TCF7: variants seen among roughly 807,000 people sequenced by gnomAD.
The protein encoded by TCF7 is transcription factor 7.
Under a neutral mutation model 46.8 loss-of-function variants are expected in TCF7, and 19 were observed. That is an observed-to-expected ratio of 0.41 (90% CI 0.28 to 0.60). The LOEUF (loss-of-function observed/expected upper bound fraction) is 0.60. Among genes scored for constraint, TCF7 ranks in the 20% least tolerant of loss-of-function variants. The pLI is 0.35. For synonymous variants in TCF7, 245 were observed against 213.4 expected (o/e 1.15, Z -1.29); for missense variants, 547 against 504.6 (o/e 1.08, Z -0.81).
intron 5 of TCF7, 136 bp from the exon 6 acceptor site, chr5:134,142,049 T>C (rs969048267): frequency 6.5e-6 from 8 of 1,236,242 alleles, no homozygotes; most frequent in African/African-American, 6.0e-5. Flanking sequence ...TGTGTACTTA[T>C]GTCTAGGCCA....
intron 3 of TCF7, among the ~76,000 whole-genome samples, chr5:134,120,787 A>C (rs1191540981): frequency 6.6e-6 from 1 of 152,114 alleles, no homozygotes; most frequent in African/African-American, 2.4e-5. Flanking sequence ...TTTACAATGC[A>C]CTCACCATGC....
chr5:134,139,381 A>G (rs555450647), intron 5 of TCF7: 1 of 256,452 alleles, frequency 3.9e-6, no homozygotes, highest in South Asian at 9.9e-5. Flanking sequence ...TAACTGAGGA[A>G]GAAAGGTGGG....
chr5:134,125,639 G>C (rs1469087695), intron 3 of TCF7, among the ~76,000 whole-genome samples: 1 of 152,256 alleles, frequency 6.6e-6, no homozygotes, highest in Non-Finnish European at 1.5e-5. Flanking sequence ...ATGCTGGTAG[G>C]AACCTTATTG....
At chr5:134,145,017 G>C (rs912354863) in intron 9 of TCF7, 2 of 712,558 alleles carry the variant, frequency 2.8e-6, no homozygotes, top group Non-Finnish European at 2.5e-6. Flanking sequence ...CCTGAGAATA[G>C]TAGTAAATAC....
rs148336332 is a variant in TCF7, at chr5:134,142,297, C to A, written c.748C>A (p.Arg250Ser). 1.3e-5 allele frequency: 21 copies of A among 1,585,492 alleles called. No homozygotes were observed. In the East Asian group the frequency reaches 2.9e-4, roughly 22 times the overall value. The change falls in exon 6 of 10, where the codon CGC becomes AGC. Residue 250 changes from arginine (R) to serine (S), a missense_variant. Physicochemically the swap from Arg to Ser is moderately radical, Grantham distance 110. Around this residue, in one of 3 missense-constraint regions of TCF7, gnomAD observed 425 missense variants for 349.9 expected, o/e 1.21. Transcript: ENST00000342854. ...SGKQELQPFD[R>S]NLKTQAESKA... ...GAAGCAGGAGCTGCAGCCCTTCGACCGCAACCTGTGAGTGAAAAGACAATG... is the reference window on the plus strand; with the variant it reads ...GAAGCAGGAGCTGCAGCCCTTCGACAGCAACCTGTGAGTGAAAAGACAATG...
At chr5:134,141,974 A>G in intron 5 of TCF7, 2 of 533,652 alleles carry the variant, frequency 3.7e-6, no homozygotes, top group African/African-American at 1.9e-5. Context: ...TCTGAATGGC[A>G]ATCTATGTAG....
chr5:134,126,361 T>C (rs1757344375), intron 3 of TCF7, among the ~76,000 whole-genome samples: 1 of 152,134 alleles, frequency 6.6e-6, no homozygotes, highest in South Asian at 2.1e-4. Flanking sequence ...ACAGGGTCGA[T>C]GGCCATGTTG....
At chr5:134,114,206 C>T (rs977048150), upstream of TCF7, among the ~76,000 whole-genome samples, 2 of 152,152 alleles carry the variant, frequency 1.3e-5, no homozygotes, top group Non-Finnish European at 2.9e-5. Context: ...GGGCAAGAGC[C>T]GCAACAGCGC....
In TCF7 at chr5:134,143,110, T is replaced by TA. The variant is rs747602624; in HGVS notation, c.1026+11dup. On this transcript the variant is annotated intron_variant, in intron 8 of 9. Coordinates refer to ENST00000342854, the MANE Select transcript of TCF7 (RefSeq NM_003202.5). Reference sequence around the variant, plus strand: ...AGCGCGGGACAACTACGTGAGTGCCTAGTGACACACAGCAGGGGTGGGCAG... The same window carrying TA: ...AGCGCGGGACAACTACGTGAGTGCCTAAGTGACACACAGCAGGGGTGGGCAG... The TA allele has an allele frequency of 1.1e-5, 17 of 1,595,518 alleles. No individual in the cohort carries two copies. Among genetic ancestry groups the TA allele is most frequent in the Non-Finnish European group, 1.4e-5 (16 of 1,171,278 alleles).
At chr5:134,138,907 G>C in intron 4 of TCF7, 44 bp from the exon 5 acceptor site, 2 of 1,609,374 alleles carry the variant, frequency 1.2e-6, no homozygotes, top group African/African-American at 1.3e-5. Flanking sequence ...GATATGGCCT[G>C]CCAGGTCAGG....
At chr5:134,139,140 C>T in intron 5 of TCF7, 102 bp downstream of exon 5, 1 of 1,497,666 alleles carries the variant, frequency 6.7e-7, no homozygotes, top group African/African-American at 1.4e-5. Context: ...GGCCACCCTG[C>T]TGCCAGCTCT....
the TCF7 span, among the ~76,000 whole-genome samples, chr5:134,108,481 G>T: frequency 6.6e-6 from 1 of 152,104 alleles, no homozygotes; most frequent in Non-Finnish European, 1.5e-5. Context: ...AATTTACCCT[G>T]CCCACCACAT....
At chr5:134,132,905 C>T (rs548814087) in intron 3 of TCF7, among the ~76,000 whole-genome samples, 1 of 152,188 alleles carries the variant, frequency 6.6e-6, no homozygotes, top group Admixed American at 6.5e-5. Context: ...CACGCAGGAG[C>T]ACCCGAATGA....
At chr5:134,142,663 G>A (rs1207518605) in intron 6 of TCF7, 58 bp from the exon 7 acceptor site, 2 of 1,595,284 alleles carry the variant, frequency 1.3e-6, no homozygotes, top group African/African-American at 2.7e-5. Context: ...AGAGGAGGAG[G>A]CTGCAATTAG....
At chr5:134,119,156 T>C (rs1756240270) in intron 3 of TCF7, among the ~76,000 whole-genome samples, 1 of 152,176 alleles carries the variant, frequency 6.6e-6, no homozygotes, top group Non-Finnish European at 1.5e-5. Flanking sequence ...GTGTAGTCAG[T>C]CTTGTCATAT....
At chr5:134,130,955 C>T (rs945465838) in intron 3 of TCF7, among the ~76,000 whole-genome samples, 9 of 152,196 alleles carry the variant, frequency 5.9e-5, no homozygotes, top group Admixed American at 2.0e-4. Context: ...CACAGTGGAT[C>T]GGTGCTACAG....
intron 3 of TCF7, among the ~76,000 whole-genome samples, chr5:134,128,088 C>T (rs959956689): frequency 6.6e-6 from 1 of 152,180 alleles, no homozygotes; most frequent in Non-Finnish European, 1.5e-5. Context: ...ACTCGGCGTT[C>T]GCTGTCCCTC....
At chr5:134,125,114 C>G (rs1434393722) in intron 3 of TCF7, among the ~76,000 whole-genome samples, 1 of 152,188 alleles carries the variant, frequency 6.6e-6, no homozygotes, top group African/African-American at 2.4e-5. Context: ...AGCATTGCTC[C>G]AGAGCCAGCC....
chr5:134,133,177 T>C (rs1463447305), intron 3 of TCF7, among the ~76,000 whole-genome samples: 2 of 152,042 alleles, frequency 1.3e-5, no homozygotes, highest in Non-Finnish European at 2.9e-5. Flanking sequence ...GCAAAGAGCA[T>C]GGGTCTGGGG....
Sources: gnomAD v4.1 joint callset for allele counts (sites outside exome capture counted in the v4.1 genomes callset) on GRCh38, gnomAD v4.1.1 for gene constraint, gnomAD v4.1.1 regional missense constraint, MANE v1.5 for transcripts, NCBI Gene and HGNC (gene_info 2026-07-23, HGNC 2026-07-21) for gene names.